HSF1: variants seen among roughly 807,000 people sequenced by gnomAD.
The protein encoded by HSF1 is heat shock transcription factor 1, also known as heat shock factor protein 1.
HSF1 carries 32 observed loss-of-function variants against 51.7 expected under a neutral mutation model. That is an observed-to-expected ratio of 0.62 (90% CI 0.47 to 0.83). The LOEUF (loss-of-function observed/expected upper bound fraction) is 0.83, where lower values mean the gene tolerates loss of function less well. HSF1 is among the 40% of genes least tolerant of loss of function. The pLI, the probability that HSF1 is intolerant of heterozygous loss-of-function variation, is 0.00. For missense variants in HSF1, 727 were observed against 717.0 expected (o/e 1.01, Z -0.16); for synonymous variants, 396 against 309.7 (o/e 1.28, Z -2.92).
At chr8:144,307,500 G>A (rs190609912) in intron 1 of HSF1, among the ~76,000 whole-genome samples, 2 of 152,256 alleles carry the variant, frequency 1.3e-5, no homozygotes, top group Non-Finnish European at 2.9e-5. Flanking sequence ...AGCACTGCAG[G>A]AGGCCAAGGT....
intron 9 of HSF1, chr8:144,313,062 G>A (rs981278811): frequency 4.5e-6 from 2 of 441,894 alleles, no homozygotes; most frequent in East Asian, 4.3e-5. Flanking sequence ...TGTGCCCTGT[G>A]GCCTAGGGCT....
intron 1 of HSF1, among the ~76,000 whole-genome samples, chr8:144,300,241 G>A (rs1373499485): frequency 1.7e-5 from 2 of 114,310 alleles, no homozygotes; most frequent in Non-Finnish European, 3.3e-5. Flanking sequence ...TTTTTGAGAC[G>A]GAGTCTCGCT....
chr8:144,311,917 T>C (rs782033260), intron 8 of HSF1, 46 bp from the exon 9 acceptor site: 5 of 1,580,370 alleles, frequency 3.2e-6, no homozygotes, highest in African/African-American at 2.7e-5. Context: ...GGGGATGAGG[T>C]GGGGCTGGCC....
chr8:144,309,629 G>C (rs1554843929), intron 3 of HSF1, 38 bp downstream of exon 3: 1 of 1,609,612 alleles, frequency 6.2e-7, no homozygotes, highest in Non-Finnish European at 8.5e-7. Flanking sequence ...GGTCTCACCT[G>C]CCACAGCTCT....
At chr8:144,309,044 T>G (rs782171829) in intron 2 of HSF1, 30 bp downstream of exon 2, 4 of 1,530,266 alleles carry the variant, frequency 2.6e-6, no homozygotes, top group Non-Finnish European at 3.6e-6. Context: ...AGCGCAGGGG[T>G]GCGGGAGGCA....
In HSF1 at chr8:144,305,323, CAG is replaced by C. The variant is rs564900136; in HGVS notation, c.118-3580_118-3579del. On this transcript the variant is annotated intron_variant, in intron 1 of 12. Coordinates refer to ENST00000528838, the MANE Select transcript of HSF1 (RefSeq NM_005526.4). ...TGTTTTTGTTTTTATTTTTTTGAGA[CAG>C]AGTCTCTTTCTGTCACTAGACTGGA... Among the ~76,000 whole-genome samples, 179 of 151,018 alleles carry C rather than the reference CAG, an allele frequency of 1.2e-3. 2 individuals are homozygous for C. Among genetic ancestry groups the C allele is most frequent in the Admixed American group, 6.0e-4 (9 of 15,120 alleles).
chr8:144,311,883 C>A, intron 8 of HSF1, 47 bp downstream of exon 8: 1 of 1,583,604 alleles, frequency 6.3e-7, no homozygotes, highest in Non-Finnish European at 8.6e-7. Context: ...ATGAGGCGAG[C>A]CCCTGTGGGC....
chr8:144,297,580 C>T lies in HSF1; in HGVS notation c.117+5706C>T, dbSNP rs1554841501. On this transcript the variant is annotated intron_variant, in intron 1 of 12. Coordinates refer to ENST00000528838, the MANE Select transcript of HSF1 (RefSeq NM_005526.4). This position sits in a 1 kb window ranked among gnomAD's most constrained non-coding sequence, Gnocchi z 4.6. The stretch of plus-strand genomic sequence containing the variant: ...GTGAGCCACTTTGTCTGCACCTGCT[C>T]GCGCTTCCTGCCTGCCTCACTGCTT... 2.0e-5 allele frequency among the ~76,000 whole-genome samples: 3 copies of T among 152,200 alleles called. No homozygotes were observed. Among genetic ancestry groups the T allele is most frequent in the Non-Finnish European group, 1.5e-5 (1 of 68,030 alleles).
Position 144,298,442 on chromosome 8 carries a change from C to CAA in HSF1, c.117+6581_117+6582dup, listed in dbSNP as rs11405501. On this transcript the variant is annotated intron_variant, in intron 1 of 12. Coordinates refer to ENST00000528838, the MANE Select transcript of HSF1 (RefSeq NM_005526.4). ...TGAAACCCCGTCTCTACTAAAAATA[C>CAA]AAAAAAAAAAAAAATAGCCAGGCGT... is the stretch of plus-strand genomic sequence containing the variant. 9.0e-3 allele frequency among the ~76,000 whole-genome samples: 1,243 copies of CAA among 138,736 alleles called. 16 individuals are homozygous for CAA. Among genetic ancestry groups the CAA allele is most frequent in the African/African-American group, 0.027 (1,029 of 37,506 alleles). The allele number at this position is 138,736 out of a possible 152,430, so 91.0% of individuals were successfully genotyped here.
intron 9 of HSF1, chr8:144,312,818 G>C (rs1267676953): frequency 3.8e-6 from 4 of 1,040,172 alleles, no homozygotes; most frequent in Non-Finnish European, 4.3e-6. Context: ...CGTCGGGCCT[G>C]GGCGGCAGCA....
intron 1 of HSF1, among the ~76,000 whole-genome samples, chr8:144,299,435 TAA>T (rs11309028): frequency 3.8e-5 from 5 of 132,280 alleles, no homozygotes; most frequent in Admixed American, 7.7e-5. Context: ...AGACTCCTTC[TAA>T]AAAAAAAAAA....
chr8:144,311,470 G>A (rs567393670), intron 6 of HSF1, 35 bp from the exon 7 acceptor site: 10 of 1,610,172 alleles, frequency 6.2e-6, no homozygotes, highest in Middle Eastern at 1.7e-4. Flanking sequence ...ACCCCGAGGT[G>A]GGGGGTGGTG....
chr8:144,312,309 C>A, intron 9 of HSF1, 65 bp downstream of exon 9: 1 of 1,202,246 alleles, frequency 8.3e-7, no homozygotes, highest in Non-Finnish European at 1.2e-6. Context: ...GCTTCAGCCC[C>A]GACTGTCCCA....
rs545211157 is a variant in HSF1, at chr8:144,297,474, C to T, written c.117+5600C>T. On this transcript the variant is annotated intron_variant, in intron 1 of 12. Coordinates refer to ENST00000528838, the MANE Select transcript of HSF1 (RefSeq NM_005526.4). The surrounding 1 kb of genome is among the most constrained non-coding windows in gnomAD (Gnocchi z 4.6). ...GAACACGCTGGAAGCTCCTCCAGAG[C>T]GGAAACAAGAAGAGTGTTTATGAGA... Among the ~76,000 whole-genome samples, 252 of 152,252 alleles carry T rather than the reference C, an allele frequency of 1.7e-3. 2 individuals carry two copies. Among genetic ancestry groups the T allele is most frequent in the Middle Eastern group, 0.014 (4 of 294 alleles).
In HSF1 at chr8:144,309,444, G is replaced by C; in HGVS notation, c.227-11G>C. The C allele has an allele frequency of 6.2e-7, 1 of 1,613,872 alleles. No homozygotes were observed. The highest frequency in any genetic ancestry group is 1.1e-5 in the South Asian group (1 of 91,090). On this transcript the variant is annotated splice_polypyrimidine_tract_variant and intron_variant, in intron 2 of 12. Coordinates refer to ENST00000528838, the MANE Select transcript of HSF1 (RefSeq NM_005526.4). ...CTGAGGCAGAGCTGCCCCCTTCCCTGTTATGTGCAGATGGCTTCCGGAAAG... is the reference window on the plus strand; with the variant it reads ...CTGAGGCAGAGCTGCCCCCTTCCCTCTTATGTGCAGATGGCTTCCGGAAAG...
intron 1 of HSF1, among the ~76,000 whole-genome samples, chr8:144,299,453 T>A (rs753848265): frequency 1.6e-3 from 222 of 135,036 alleles, no homozygotes; most frequent in Non-Finnish European, 2.9e-3. Context: ...AAAAAAAAAA[T>A]TCACGTCCAG....
rs1816838015 is a variant in HSF1, at chr8:144,313,544, C to T, written c.1176C>T (p.Asp392=). The change falls in exon 10 of 13, where the codon GAC becomes GAT. Residue 392 remains aspartate, a synonymous_variant. Coordinates refer to ENST00000528838, the MANE Select transcript of HSF1 (RefSeq NM_005526.4). ...NELSDHLDAM[D]SNLDNLQTML... ...TCAGTGACCACTTGGATGCTATGGA[C>T]TCCAACCTGGATAACCTGCAGACCA... is the stretch of plus-strand genomic sequence containing the variant. The T allele has an allele frequency of 1.2e-6, 2 of 1,612,054 alleles. No homozygotes were observed. The highest frequency in any genetic ancestry group is 1.7e-6 in the Non-Finnish European group (2 of 1,179,198).
At chr8:144,304,892 G>C (rs1370508072) in intron 1 of HSF1, among the ~76,000 whole-genome samples, 1 of 151,102 alleles carries the variant, frequency 6.6e-6, no homozygotes, top group Non-Finnish European at 1.5e-5. Context: ...ACACACCTCA[G>C]CCTCCCAAAG....
In HSF1 at chr8:144,313,608, C is replaced by T. The variant is rs1238491534; in HGVS notation, c.1240C>T (p.Leu414=). 2 of 1,598,012 alleles carry T rather than the reference C, an allele frequency of 1.3e-6. No homozygotes were observed. The highest frequency in any genetic ancestry group is 8.5e-7 in the Non-Finnish European group (1 of 1,171,346). ...CGGCTTCAGCGTGGACACCAGTGCC[C>T]TGCTGGACGTGAGTGGAGCCCCGCC... ...SHGFSVDTSA[L]LDLFSPSVTV... The change falls in exon 10 of 13, where the codon CTG becomes TTG. Residue 414 remains leucine, a synonymous_variant. Coordinates refer to ENST00000528838, the MANE Select transcript of HSF1 (RefSeq NM_005526.4).
Sources: gnomAD v4.1 joint callset for allele counts (sites outside exome capture counted in the v4.1 genomes callset) on GRCh38, gnomAD v4.1.1 for gene constraint, Gnocchi (gnomAD v3.1) non-coding constraint, MANE v1.5 for transcripts, NCBI Gene and HGNC (gene_info 2026-07-23, HGNC 2026-07-21) for gene names.